The following DACH1 variants were observed in gnomAD, a reference collection of about 807,000 sequenced individuals.
DACH1 encodes the protein dachshund family transcription factor 1, also known as dachshund homolog 1.
Under a neutral mutation model 54.2 loss-of-function variants are expected in DACH1, and 12 were observed. That is an observed-to-expected ratio of 0.22 (90% CI 0.14 to 0.36). The LOEUF is 0.36. Among genes scored for constraint, DACH1 ranks in the 10% least tolerant of loss-of-function variants. The pLI, the probability that DACH1 is intolerant of heterozygous loss-of-function variation, is 1.00. For synonymous variants in DACH1, 386 were observed against 366.2 expected (o/e 1.05, Z -0.62); for missense variants, 805 against 929.8 (o/e 0.87, Z 1.75).
At chr13:71,724,993 A>C (rs1956520149) in intron 1 of DACH1, among the ~76,000 whole-genome samples, 1 of 152,156 alleles carries the variant, frequency 6.6e-6, no homozygotes, top group Non-Finnish European at 1.5e-5. Context: ...GCAAGTGCAA[A>C]ACATCAAAAT....
chr13:71,691,559 C>T (rs927228425), intron 1 of DACH1, among the ~76,000 whole-genome samples: 1 of 141,348 alleles, frequency 7.1e-6, no homozygotes, highest in Non-Finnish European at 1.6e-5. Context: ...AAGCCCTGAG[C>T]CCAGAAAGTA....
intron 6 of DACH1, among the ~76,000 whole-genome samples, chr13:71,513,717 G>C (rs539812267): frequency 6.6e-5 from 10 of 152,056 alleles, no homozygotes; most frequent in Admixed American, 5.3e-4. Context: ...CATTTTCAAG[G>C]GTTTTGTATA....
intron 2 of DACH1, among the ~76,000 whole-genome samples, chr13:71,644,043 GGGA>G (rs772619729): frequency 1.1e-4 from 16 of 152,160 alleles, no homozygotes; most frequent in Non-Finnish European, 2.4e-4. Context: ...AACTACAAAA[GGGA>G]GGAGGGGGAC....
At chr13:71,865,770 C>T (rs1196032832) in intron 1 of DACH1, 152 bp downstream of exon 1, 3 of 1,236,930 alleles carry the variant, frequency 2.4e-6, no homozygotes, top group East Asian at 3.4e-5. Flanking sequence ...GCGCGGCTGG[C>T]GAGCCCCGAG....
intron 1 of DACH1, among the ~76,000 whole-genome samples, chr13:71,732,449 G>T (rs901564431): frequency 6.6e-6 from 1 of 151,960 alleles, no homozygotes; most frequent in Non-Finnish European, 1.5e-5. Flanking sequence ...GCTGGGTGTG[G>T]TGGTCGGTAC....
At chr13:71,690,011 T>C (rs1350233496) in intron 1 of DACH1, among the ~76,000 whole-genome samples, 1 of 152,212 alleles carries the variant, frequency 6.6e-6, no homozygotes, top group Non-Finnish European at 1.5e-5. Context: ...GTTAACTTAA[T>C]GAATATATTT....
intron 1 of DACH1, among the ~76,000 whole-genome samples, chr13:71,722,385 A>C (rs1324037403): frequency 1.3e-5 from 2 of 152,184 alleles, no homozygotes; most frequent in African/African-American, 4.8e-5. Context: ...GGAATATAAC[A>C]AGTCCTTCCT....
intron 3 of DACH1, among the ~76,000 whole-genome samples, chr13:71,601,285 T>C (rs898744931): frequency 1.3e-5 from 2 of 152,164 alleles, no homozygotes; most frequent in Non-Finnish European, 2.9e-5. Flanking sequence ...ATATTATCAG[T>C]GGGATTAATA....
At chr13:71,757,502 C>A (rs1414526276) in intron 1 of DACH1, among the ~76,000 whole-genome samples, 2 of 149,994 alleles carry the variant, frequency 1.3e-5, no homozygotes, top group African/African-American at 2.5e-5. Flanking sequence ...GTTGAAAAGC[C>A]AAGAGAATTT....
chr13:71,726,833 G>T (rs1052745341), intron 1 of DACH1, among the ~76,000 whole-genome samples: 1 of 151,532 alleles, frequency 6.6e-6, no homozygotes, highest in Non-Finnish European at 1.5e-5. Flanking sequence ...TTTAGCTCTG[G>T]TATATTTTTT....
chr13:71,676,359 A>G (rs373586979), intron 2 of DACH1, among the ~76,000 whole-genome samples: 1 of 152,234 alleles, frequency 6.6e-6, no homozygotes, highest in African/African-American at 2.4e-5. Context: ...CTGGAATTAC[A>G]GGCACCTGCC....
At chr13:71,762,768 C>CAAAAAAAAA (rs34543654) in intron 1 of DACH1, among the ~76,000 whole-genome samples, 1 of 71,178 alleles carries the variant, frequency 1.4e-5, no homozygotes, top group African/African-American at 6.2e-5. Flanking sequence ...AACTTTGTCT[C>CAAAAAAAAA]AAAAAAAAAA....
chr13:71,541,925 GTTTT>G (rs397720054), intron 6 of DACH1, among the ~76,000 whole-genome samples: 1,186 of 105,834 alleles, frequency 0.011, 20 homozygotes, highest in African/African-American at 0.038. Context: ...TATTTGCCCA[GTTTT>G]TTTTTTTTTT....
chr13:71,503,941 A>T (rs550928250), intron 6 of DACH1, among the ~76,000 whole-genome samples: 61 of 152,282 alleles, frequency 4.0e-4, no homozygotes, highest in Admixed American at 9.8e-4. Context: ...AAAAGTTAAG[A>T]GTGTATGTTT....
chr13:71,586,502 C>T (rs1188254049), intron 3 of DACH1, among the ~76,000 whole-genome samples: 1 of 152,042 alleles, frequency 6.6e-6, no homozygotes, highest in Admixed American at 6.6e-5. Flanking sequence ...GATAGGAAAA[C>T]AGTGTAATAC....
chr13:71,508,137 T>C (rs1025751971), intron 6 of DACH1, among the ~76,000 whole-genome samples: 2 of 152,322 alleles, frequency 1.3e-5, no homozygotes, highest in African/African-American at 4.8e-5. Context: ...GCAAGTGAAC[T>C]GTGCCTCTGT....
In DACH1 at chr13:71,574,647, A is replaced by G. The variant is rs75892329; in HGVS notation, c.1127-1635T>C. ...CAATACTGTCTGGATCTTAGAGTAA[A>G]GTGTTCAGAAGTGGGTAATGAAAAC... On this transcript the variant is annotated intron_variant, in intron 3 of 10. Transcript: ENST00000613252. Among the ~76,000 whole-genome samples the G allele has an allele frequency of 4.3e-3, 659 of 152,176 alleles. 4 individuals are homozygous for G. Among genetic ancestry groups the G allele is most frequent in the African/African-American group, 0.015 (637 of 41,558 alleles).
At chr13:71,488,684 C>A (rs1257842144) in intron 7 of DACH1, among the ~76,000 whole-genome samples, 4 of 151,592 alleles carry the variant, frequency 2.6e-5, no homozygotes, top group African/African-American at 9.7e-5. Context: ...CAAACTTAAA[C>A]AGTTAAATTC....
In DACH1 at chr13:71,866,554, A is replaced by T; in HGVS notation, c.216T>A (p.Ser72=). Residue 72 remains serine, a synonymous_variant, in exon 1 of 11, where the codon TCT becomes TCA. Transcript: ENST00000613252. Reference sequence around the variant, plus strand: ...CGCCGCCGCCGCCGCCGCCGCCGGTAGAGGTGACTGTGGCCGCCGCCGCCG... The same window carrying T: ...CGCCGCCGCCGCCGCCGCCGCCGGTTGAGGTGACTGTGGCCGCCGCCGCCG... ...SAAAAAATVT[S]TGGGGGGGGS... is the part of the protein sequence containing the mutation. 1.7e-6 allele frequency: 2 copies of T among 1,210,856 alleles called. No individual in the cohort carries two copies. The highest frequency in any genetic ancestry group is 6.1e-4 in the Middle Eastern group (2 of 3,282). 75.0% of individuals were successfully genotyped at this position (1,210,856 alleles called of 1,614,324 possible).
Sources: gnomAD v4.1 joint callset for allele counts (sites outside exome capture counted in the v4.1 genomes callset) on GRCh38, gnomAD v4.1.1 for gene constraint, MANE v1.5 for transcripts, NCBI Gene and HGNC (gene_info 2026-07-23, HGNC 2026-07-21) for gene names.